Variants in ASPRV1 observed in about 807,000 individuals in gnomAD.
ASPRV1 encodes the protein aspartic peptidase retroviral like 1, also known as retroviral-like aspartic protease 1.
A neutral mutation model predicts 11.0 loss-of-function variants in ASPRV1; 7 were observed. The ratio of observed to expected loss-of-function variants is 0.64; its 90% confidence interval spans 0.36 to 1.20. The LOEUF (loss-of-function observed/expected upper bound fraction) is 1.20, where lower values mean the gene tolerates loss of function less well. ASPRV1 is among the 50% of genes most tolerant of loss of function. The probability of loss-of-function intolerance (pLI) is 0.02; values close to 1 mark genes in which losing one functional copy is unlikely to be tolerated. For missense variants in ASPRV1, 299 were observed against 320.0 expected (o/e 0.93, Z 0.50); for synonymous variants, 136 against 138.4 (o/e 0.98, Z 0.12).
chr2:70,084,271 T>C, the ASPRV1 span, among the ~76,000 whole-genome samples: 2 of 152,242 alleles, frequency 1.3e-5, no homozygotes, highest in African/African-American at 4.8e-5. Flanking sequence ...GAAGGCTTTG[T>C]TTGAACATTC....
At chr2:69,998,661 G>A in the ASPRV1 span, among the ~76,000 whole-genome samples, 3 of 151,760 alleles carry the variant, frequency 2.0e-5, no homozygotes, top group Non-Finnish European at 2.9e-5. Flanking sequence ...CCCGGGAGGC[G>A]GATCTTGCAG....
the ASPRV1 span, among the ~76,000 whole-genome samples, chr2:70,020,825 G>C: frequency 7.9e-5 from 12 of 152,154 alleles, no homozygotes; most frequent in Non-Finnish European, 1.5e-5. Context: ...ATGGAGAACA[G>C]AGGGTACTAG....
the ASPRV1 span, chr2:70,015,672 G>A: frequency 2.6e-5 from 4 of 152,084 alleles, no homozygotes; most frequent in Non-Finnish European, 4.4e-5. Flanking sequence ...ATAATAGTAG[G>A]GGACTTTAGG....
At chr2:70,084,369 C>T in the ASPRV1 span, among the ~76,000 whole-genome samples, 1 of 152,152 alleles carries the variant, frequency 6.6e-6, no homozygotes, top group Non-Finnish European at 1.5e-5. Flanking sequence ...ATTCTGTCTC[C>T]CTATGAGACA....
At chr2:70,067,066 C>A in the ASPRV1 span, among the ~76,000 whole-genome samples, 2 of 152,106 alleles carry the variant, frequency 1.3e-5, no homozygotes, top group Non-Finnish European at 2.9e-5. Context: ...TTATTCTAAG[C>A]ATCTTATATA....
At chr2:69,939,859 C>A in the ASPRV1 span, 1 of 152,630 alleles carries the variant, frequency 6.6e-6, no homozygotes. Flanking sequence ...ACTCGCACAC[C>A]ACAGCCTGAA....
chr2:69,997,313 A>G, the ASPRV1 span, among the ~76,000 whole-genome samples: 1 of 151,980 alleles, frequency 6.6e-6, no homozygotes, highest in South Asian at 2.1e-4. Context: ...CCTCCGCACC[A>G]ACATCTCCCA....
At chr2:69,945,295 C>T in the ASPRV1 span, among the ~76,000 whole-genome samples, 1 of 152,200 alleles carries the variant, frequency 6.6e-6, no homozygotes, top group Non-Finnish European at 1.5e-5. Context: ...CCCCCTGAAT[C>T]TAAAATAAAA....
At chr2:69,975,263 G>C in the ASPRV1 span, 1 of 152,514 alleles carries the variant, frequency 6.6e-6, no homozygotes, top group Non-Finnish European at 1.5e-5. Flanking sequence ...TGGCAGTGAT[G>C]CCTGGACGGA....
chr2:69,972,127 T>C, the ASPRV1 span, among the ~76,000 whole-genome samples: 3 of 151,764 alleles, frequency 2.0e-5, no homozygotes, highest in Non-Finnish European at 2.9e-5. Context: ...AGTGGCGCGA[T>C]CTCGGCTCAC....
the ASPRV1 span, chr2:70,028,462 A>G: frequency 6.6e-6 from 1 of 152,028 alleles, no homozygotes; most frequent in Admixed American, 6.6e-5. Flanking sequence ...GGGCTCTCTG[A>G]TGGCTCAAGG....
At chr2:70,086,381 T>C in the ASPRV1 span, 1 of 152,244 alleles carries the variant, frequency 6.6e-6, no homozygotes, top group Admixed American at 6.5e-5. Flanking sequence ...CGGGGCCCTT[T>C]CTGGTCTGGC....
the ASPRV1 span, among the ~76,000 whole-genome samples, chr2:69,951,306 C>T: frequency 0.013 from 1,970 of 151,626 alleles, 38 homozygotes; most frequent in South Asian, 0.038. Flanking sequence ...TGCCTGTAGT[C>T]CCAGCTACTT....
chr2:69,947,351 T>C, the ASPRV1 span, among the ~76,000 whole-genome samples: 2 of 152,146 alleles, frequency 1.3e-5, no homozygotes, highest in African/African-American at 2.4e-5. Context: ...AGCAATCCCA[T>C]TGCTTTCCCC....
At chr2:70,029,948 T>TC in the ASPRV1 span, 10 of 152,064 alleles carry the variant, frequency 6.6e-5, no homozygotes, top group African/African-American at 2.4e-4. Flanking sequence ...TCTCCACCCT[T>TC]CCCCTCCCTT....
At chr2:69,989,961 C>G in the ASPRV1 span, among the ~76,000 whole-genome samples, 1 of 152,236 alleles carries the variant, frequency 6.6e-6, no homozygotes, top group East Asian at 1.9e-4. Flanking sequence ...ATGGCCCTTG[C>G]CATGGGTGTG....
chr2:70,058,835 A>T, the ASPRV1 span, among the ~76,000 whole-genome samples: 1 of 150,038 alleles, frequency 6.7e-6, no homozygotes, highest in Non-Finnish European at 1.5e-5. Flanking sequence ...TTACTGGCAG[A>T]AATTACGCAC....
chr2:69,952,489 C>T, the ASPRV1 span, among the ~76,000 whole-genome samples: 7 of 142,070 alleles, frequency 4.9e-5, no homozygotes, highest in East Asian at 2.0e-4. Flanking sequence ...TGGCACGACA[C>T]AGCAAGATCC....
the ASPRV1 span, chr2:70,016,456 C>A: frequency 6.9e-5 from 10 of 143,974 alleles, no homozygotes; most frequent in African/African-American, 2.5e-4. Flanking sequence ...AGGAGGATTA[C>A]TTGAGCCCAG....
Sources: allele counts gnomAD v4.1 joint callset (sites outside exome capture counted in the v4.1 genomes callset), GRCh38; gene constraint gnomAD v4.1.1; transcripts MANE v1.5; gene names NCBI Gene and HGNC (gene_info 2026-07-23, HGNC 2026-07-21).